The following PCDH20 variants were observed in gnomAD, a reference collection of about 807,000 sequenced individuals.
The protein encoded by PCDH20 is protocadherin 20, also known as protocadherin-20.
PCDH20 carries 18 observed loss-of-function variants against 39.7 expected under a neutral mutation model. That is an observed-to-expected ratio of 0.45 (90% CI 0.31 to 0.67). The LOEUF (loss-of-function observed/expected upper bound fraction) is 0.67, where lower values mean the gene tolerates loss of function less well. PCDH20 is among the 30% of genes least tolerant of loss of function. PCDH20 has a pLI of 0.05. For missense variants in PCDH20, 1,161 were observed against 1,167.4 expected, an observed-to-expected ratio of 0.99 and a Z score of 0.08; for synonymous variants, 495 against 455.4, an observed-to-expected ratio of 1.09 and a Z score of -1.11.
At chr13:61,413,035 A>C in exon 2 of PCDH20, 1 of 1,614,178 alleles carries the variant, frequency 6.2e-7, no homozygotes, top group Non-Finnish European at 8.5e-7. Context: ...AGAATAAGTA[A>C]TTTGAGCATT....
At chr13:61,411,186 G>A in exon 2 of PCDH20, 1 of 1,430,030 alleles carries the variant, frequency 7.0e-7, no homozygotes, top group Non-Finnish European at 9.6e-7. Flanking sequence ...TCTTTTTTAG[G>A]TGATGAAGAT....
chr13:61,415,011 T>G lies in PCDH20; in HGVS notation c.132+16A>C. The G allele has an allele frequency of 7.0e-7, 1 of 1,421,034 alleles. No individual in the cohort carries two copies. Among genetic ancestry groups the G allele is most frequent in the Non-Finnish European group, 9.3e-7 (1 of 1,072,662 alleles). The allele number at this position is 1,421,034 out of a possible 1,614,324, so 88.0% of individuals were successfully genotyped here. A position where few individuals can be genotyped will look rare whatever the true frequency, so the allele number is the denominator to read the frequency against. ...AACTTGTCGGGGTCGCGGGGTTCCT[T>G]GACCCTAACCCTTACCGGCAGGTTC... On this transcript the variant is annotated intron_variant, in intron 1 of 1. Coordinates refer to ENST00000409204, the Ensembl canonical transcript of PCDH20.
At chr13:61,411,289 T>G (rs993918446) in exon 2 of PCDH20, 1 of 1,614,066 alleles carries the variant, frequency 6.2e-7, no homozygotes, top group Non-Finnish European at 8.5e-7. Context: ...CATATGCAAG[T>G]CAATTTTTCC....
chr13:61,413,839 TC>T lies in PCDH20; in HGVS notation c.259del (p.Glu87ArgfsTer40). 6.2e-7 allele frequency: 1 copy of T among 1,612,660 alleles called. No homozygotes were observed. The highest frequency in any genetic ancestry group is 8.5e-7 in the Non-Finnish European group (1 of 1,179,624). ...AGACCTGGGCAGCAGCCGCAGGTCCTCGGCCAGGCTGCCGATGAGCACCCCC... is the reference window on the plus strand; with the variant it reads ...AGACCTGGGCAGCAGCCGCAGGTCCTGGCCAGGCTGCCGATGAGCACCCCC... On this transcript the variant is annotated frameshift_variant, in exon 2 of 2. Coordinates refer to ENST00000409204, the Ensembl canonical transcript of PCDH20. LOFTEE classifies it high-confidence loss of function.
At chr13:61,415,608 TG>T (rs1477217068), upstream of PCDH20, 7 of 153,382 alleles carry the variant, frequency 4.6e-5, no homozygotes, top group Admixed American at 3.9e-4. Context: ...CCAAAACGCC[TG>T]CTTTGCCAAC....
chr13:61,414,991 GTCGGGGTCGCGGGGT>G, intron 1 of PCDH20, 21 bp downstream of exon 1: 1 of 1,384,162 alleles, frequency 7.2e-7, no homozygotes, highest in Non-Finnish European at 9.5e-7. Flanking sequence ...ACTGCAACTT[GTCGGGGTCGCGGGGT>G]TCCTTGACCC....
At chr13:61,412,854 G>A in exon 2 of PCDH20, 1 of 1,613,918 alleles carries the variant, frequency 6.2e-7, no homozygotes, top group Non-Finnish European at 8.5e-7. Context: ...CTTTAATAAT[G>A]GACACAAGAG....
exon 2 of PCDH20, chr13:61,413,399 C>A: frequency 9.3e-6 from 15 of 1,614,108 alleles, no homozygotes; most frequent in Non-Finnish European, 1.1e-5. Flanking sequence ...GGGTCCACAG[C>A]AGGATGCTCT....
intron 1 of PCDH20, 98 bp from the exon 2 acceptor site, chr13:61,414,064 C>G (rs1871482889): frequency 8.8e-7 from 1 of 1,136,404 alleles, no homozygotes; most frequent in Non-Finnish European, 1.2e-6. Context: ...GTCCCCATCC[C>G]CGTTCCCAGA....
At chr13:61,411,546 A>G (rs756080812) in exon 2 of PCDH20, 6 of 1,613,928 alleles carry the variant, frequency 3.7e-6, no homozygotes, top group Admixed American at 1.7e-5. Flanking sequence ...TCTCAATGTA[A>G]CTCTCATTAC....
exon 2 of PCDH20, chr13:61,409,739 T>C (rs1184380706): frequency 6.6e-6 from 1 of 151,984 alleles, no homozygotes; most frequent in African/African-American, 2.4e-5. Flanking sequence ...ATATAAACTT[T>C]AGTATAGCAG....
exon 2 of PCDH20, chr13:61,410,581 T>C (rs1878225559): frequency 6.6e-6 from 1 of 152,550 alleles, no homozygotes. Context: ...ACACAGAAAG[T>C]GGAATACTCT....
exon 2 of PCDH20, chr13:61,412,631 C>T (rs1878271046): frequency 6.2e-7 from 1 of 1,613,966 alleles, no homozygotes; most frequent in African/African-American, 1.3e-5. Context: ...TTTGTGGTCT[C>T]TAGTAAATAT....
At chr13:61,412,822 A>G in exon 2 of PCDH20, 1 of 1,613,998 alleles carries the variant, frequency 6.2e-7, no homozygotes, top group Non-Finnish European at 8.5e-7. Flanking sequence ...ACGAGGGACA[A>G]TTTCAGGGGG....
At chr13:61,413,607 G>A (rs760354121) in exon 2 of PCDH20, 10 of 1,614,210 alleles carry the variant, frequency 6.2e-6, no homozygotes, top group African/African-American at 1.3e-5. Flanking sequence ...TGGAAACGCT[G>A]CCGCTCCACG....
intron 1 of PCDH20, among the ~76,000 whole-genome samples, chr13:61,414,772 T>C (rs1041543123): frequency 1.3e-5 from 2 of 152,140 alleles, no homozygotes; most frequent in Non-Finnish European, 2.9e-5. Context: ...CTAAAGCGGA[T>C]TGAGCGCACC....
chr13:61,412,978 T>G, exon 2 of PCDH20: 7 of 1,614,184 alleles, frequency 4.3e-6, no homozygotes, highest in Non-Finnish European at 5.9e-6. Context: ...AGTGTTTTCA[T>G]CCAGGTGAAA....
exon 2 of PCDH20, chr13:61,413,740 C>A: frequency 6.2e-7 from 1 of 1,613,860 alleles, no homozygotes; most frequent in Non-Finnish European, 8.5e-7. Flanking sequence ...GGAGGCCAGG[C>A]TGAAGGAGAG....
chr13:61,413,035 AT>A lies in PCDH20; in HGVS notation c.1063del (p.Ile355LeufsTer55). 1 of 1,614,178 alleles carries A rather than the reference AT, an allele frequency of 6.2e-7. No individual in the cohort carries two copies. On this transcript the variant is annotated frameshift_variant, in exon 2 of 2. Transcript: ENST00000409204. LOFTEE classifies it high-confidence loss of function. The stretch of plus-strand genomic sequence containing the variant: ...AACTTTCTGACTGTAAGAATAAGTA[AT>A]TTGAGCATTGGTCCCCAAGTCTTTA...
Sources: allele counts gnomAD v4.1 joint callset (sites outside exome capture counted in the v4.1 genomes callset), GRCh38; gene constraint gnomAD v4.1.1; transcripts MANE v1.5; gene names NCBI Gene and HGNC (gene_info 2026-07-23, HGNC 2026-07-21).